Variants in CHCHD3 observed in about 807,000 individuals in gnomAD.
The protein encoded by CHCHD3 is MICOS complex subunit MIC19.
CHCHD3 carries 20 observed loss-of-function variants against 38.2 expected under a neutral mutation model. The ratio of observed to expected loss-of-function variants is 0.52; its 90% CI spans 0.37 to 0.76. The LOEUF is 0.76. Ranked by LOEUF, CHCHD3 falls within the 30% of genes least tolerant of loss-of-function variation. The pLI is 0.00. For missense variants in CHCHD3, 245 were observed against 279.2 expected (o/e 0.88, Z 0.87); for synonymous variants, 82 against 100.0 (o/e 0.82, Z 1.07).
intron 4 of CHCHD3, chr7:132,972,610 A>G (rs1585687799): frequency 2.0e-6 from 2 of 985,462 alleles, no homozygotes; most frequent in East Asian, 2.3e-4. Context: ...CTGCCCAATA[A>G]CTAAATGTCA....
In CHCHD3 at chr7:133,035,903, C is replaced by T. The variant is rs1813661143; in HGVS notation, c.170-11276G>A. ...CCCTCCAGTTTTCAGGATACGTGTA[C>T]AGGGTCCCAGCCGCCATGGTGATTC... On this transcript the variant is annotated intron_variant, in intron 2 of 7. Transcript: ENST00000262570. This position sits in a 1 kb window ranked among gnomAD's most constrained non-coding sequence, Gnocchi z 4.7. The T allele has an allele frequency of 2.5e-6, 4 of 1,606,644 alleles. No homozygotes were observed. Among genetic ancestry groups the T allele is most frequent in the Non-Finnish European group, 3.4e-6 (4 of 1,174,516 alleles).
At chr7:133,076,557 G>A (rs1186828040) in intron 1 of CHCHD3, among the ~76,000 whole-genome samples, 4 of 152,290 alleles carry the variant, frequency 2.6e-5, no homozygotes, top group Non-Finnish European at 5.9e-5. Context: ...GTTTAAATTT[G>A]TGGTACTCAC....
At chr7:133,005,309 A>G (rs1440950828) in intron 3 of CHCHD3, among the ~76,000 whole-genome samples, 2 of 152,200 alleles carry the variant, frequency 1.3e-5, no homozygotes, top group Non-Finnish European at 2.9e-5. Flanking sequence ...GGTGAAGCGC[A>G]TGTGTCTCTC....
At chr7:132,891,245 A>G (rs1445510898) in intron 4 of CHCHD3, among the ~76,000 whole-genome samples, 1 of 152,238 alleles carries the variant, frequency 6.6e-6, no homozygotes, top group Non-Finnish European at 1.5e-5. Flanking sequence ...TACTTCCAGC[A>G]CTGTTTTCCA....
Position 133,035,652 on chromosome 7 carries a change from T to A in CHCHD3, c.170-11025A>T. The A allele has an allele frequency of 6.2e-7, 1 of 1,611,584 alleles. No individual in the cohort carries two copies. ...CCACTGCACCACCTGGGCTGCTGCC[T>A]CTGGAGTACTTCCCCGCAGCTCCTC... On this transcript the variant is annotated intron_variant, in intron 2 of 7. Coordinates refer to ENST00000262570, the MANE Select transcript of CHCHD3 (RefSeq NM_017812.4). The surrounding 1 kb of genome is among the most constrained non-coding windows in gnomAD (Gnocchi z 4.7).
intron 3 of CHCHD3, among the ~76,000 whole-genome samples, chr7:133,016,036 C>G (rs892075185): frequency 5.9e-5 from 9 of 152,104 alleles, no homozygotes; most frequent in African/African-American, 2.2e-4. Flanking sequence ...GGTGCTAAAC[C>G]ATTAGAAACC....
chr7:132,808,690 C>T (rs958792074), intron 6 of CHCHD3, among the ~76,000 whole-genome samples: 8 of 151,898 alleles, frequency 5.3e-5, no homozygotes, highest in African/African-American at 1.9e-4. Context: ...ATTGTTAGCT[C>T]ATCATCATAC....
At chr7:132,979,164 C>T (rs1051825991) in intron 3 of CHCHD3, among the ~76,000 whole-genome samples, 3 of 152,114 alleles carry the variant, frequency 2.0e-5, no homozygotes, top group Admixed American at 6.5e-5. Flanking sequence ...ATACCTTAAA[C>T]ATATTATTCC....
intron 5 of CHCHD3, among the ~76,000 whole-genome samples, chr7:132,877,144 T>C (rs1173923323): frequency 6.6e-6 from 1 of 152,172 alleles, no homozygotes; most frequent in African/African-American, 2.4e-5. Flanking sequence ...TCATTTTACC[T>C]GGATGCACTT....
intron 7 of CHCHD3, among the ~76,000 whole-genome samples, chr7:132,792,186 G>A (rs1806478579): frequency 6.6e-6 from 1 of 152,122 alleles, no homozygotes; most frequent in African/African-American, 2.4e-5. Flanking sequence ...TTCCTGCTCT[G>A]TTTTCAGAGT....
At chr7:132,809,783 A>C (rs1807020433) in intron 6 of CHCHD3, among the ~76,000 whole-genome samples, 1 of 152,234 alleles carries the variant, frequency 6.6e-6, no homozygotes, top group Non-Finnish European at 1.5e-5. Flanking sequence ...TATGTTATAC[A>C]ATTATAAAAT....
chr7:133,079,393 G>A (rs1456835141), intron 1 of CHCHD3, among the ~76,000 whole-genome samples: 1 of 152,202 alleles, frequency 6.6e-6, no homozygotes, highest in East Asian at 1.9e-4. Context: ...GAGAGGCAGA[G>A]ATAGAATCCA....
intron 6 of CHCHD3, among the ~76,000 whole-genome samples, chr7:132,820,984 T>C (rs896429934): frequency 2.6e-5 from 4 of 152,202 alleles, no homozygotes; most frequent in African/African-American, 9.6e-5. Flanking sequence ...TCATGTAGCA[T>C]ATTAAAACAG....
chr7:133,038,367 C>T (rs560761268), intron 2 of CHCHD3, among the ~76,000 whole-genome samples: 1 of 152,246 alleles, frequency 6.6e-6, no homozygotes, highest in East Asian at 1.9e-4. Context: ...TCTAGAAGCA[C>T]ACCATACAAG....
chr7:132,995,928 T>A (rs1812403148), intron 3 of CHCHD3, among the ~76,000 whole-genome samples: 1 of 152,196 alleles, frequency 6.6e-6, no homozygotes, highest in Admixed American at 6.5e-5. Context: ...GTTTTATGTA[T>A]GTTATTTCAT....
At chr7:132,926,765 T>A (rs1810388308) in intron 4 of CHCHD3, among the ~76,000 whole-genome samples, 1 of 152,202 alleles carries the variant, frequency 6.6e-6, no homozygotes. Context: ...TACTTCTATC[T>A]AACACAATGT....
intron 4 of CHCHD3, among the ~76,000 whole-genome samples, chr7:132,916,496 G>A (rs1433684092): frequency 6.6e-6 from 1 of 151,378 alleles, no homozygotes; most frequent in Non-Finnish European, 1.5e-5. Flanking sequence ...GATATTGAGT[G>A]AGAGAGATGA....
intron 6 of CHCHD3, among the ~76,000 whole-genome samples, chr7:132,832,821 C>T (rs1421939455): frequency 6.6e-6 from 1 of 152,170 alleles, no homozygotes; most frequent in Non-Finnish European, 1.5e-5. Flanking sequence ...AAACAGGAGG[C>T]CGGCAGCACT....
intron 2 of CHCHD3, among the ~76,000 whole-genome samples, chr7:133,058,880 ATTAG>A (rs1197104708): frequency 6.6e-6 from 1 of 152,184 alleles, no homozygotes; most frequent in Admixed American, 6.5e-5. Context: ...TTAGCTCTTT[ATTAG>A]TTAGGGCTCC....
Sources: allele counts gnomAD v4.1 joint callset (sites outside exome capture counted in the v4.1 genomes callset), GRCh38; gene constraint gnomAD v4.1.1; non-coding constraint Gnocchi (gnomAD v3.1); transcripts MANE v1.5; gene names NCBI Gene and HGNC (gene_info 2026-07-23, HGNC 2026-07-21).